Variants in PCDH11X observed in about 807,000 individuals in gnomAD.
PCDH11X encodes protocadherin-11 X-linked.
In PCDH11X, 18 loss-of-function variants were observed where a neutral mutation model predicts 53.3. The observed-to-expected ratio is 0.34, with a 90% CI of 0.23 to 0.50. The LOEUF is 0.50. Among genes scored for constraint, PCDH11X ranks in the 20% least tolerant of loss-of-function variants. PCDH11X has a pLI of 0.98. For missense variants in PCDH11X, 570 were observed against 1,032.4 expected (o/e 0.55, Z 6.14); for synonymous variants, 279 against 393.3 (o/e 0.71, Z 3.44).
rs755211033 is a variant in PCDH11X at position 92,423,341 on chromosome X, G to GT, written c.3343+35415dup. The stretch of plus-strand genomic sequence containing the variant: ...GATAGGATTGTTTTTGTTTTGTTTT[G>GT]TTTTTTTCTGTTAATTCGTTTGAGT... On this transcript the variant is annotated intron_variant, in intron 9 of 10. Coordinates refer to ENST00000682573, the MANE Select transcript of PCDH11X (RefSeq NM_032968.5). Among the ~76,000 whole-genome samples the GT allele has an allele frequency of 2.8e-3, 272 of 96,531 alleles. 9 individuals carry two copies. Among genetic ancestry groups the GT allele is most frequent in the African/African-American group, 8.7e-3 (259 of 29,805 alleles). 83.8% of individuals were successfully genotyped at this position (96,531 alleles called of 115,157 possible).
chrX:92,152,751 TTATGTATGTATG>T (rs559164762), intron 6 of PCDH11X, among the ~76,000 whole-genome samples: 7,810 of 98,994 alleles, frequency 0.079, 755 homozygotes, highest in African/African-American at 0.26. Flanking sequence ...TATTTTTATT[TTATGTATGTATG>T]TATGTATGTA....
chrX:91,987,413 A>C (rs1180502624), intron 6 of PCDH11X, among the ~76,000 whole-genome samples: 2 of 111,800 alleles, frequency 1.8e-5, no homozygotes, highest in Admixed American at 9.5e-5. Context: ...AAATAACATT[A>C]AATTGGGTTA....
intron 6 of PCDH11X, among the ~76,000 whole-genome samples, chrX:91,997,909 G>T (rs2062446485): frequency 9.3e-6 from 1 of 108,080 alleles, no homozygotes; most frequent in South Asian, 4.1e-4. Context: ...TAATTAATCT[G>T]TTAAGATTTC....
intron 6 of PCDH11X, among the ~76,000 whole-genome samples, chrX:92,098,373 T>A (rs1017320257): frequency 1.8e-5 from 2 of 111,706 alleles, no homozygotes; most frequent in African/African-American, 6.5e-5. Flanking sequence ...TGAACATGAT[T>A]GTGATACCAT....
intron 6 of PCDH11X, among the ~76,000 whole-genome samples, chrX:91,999,212 GC>G (rs2062469209): frequency 9.0e-6 from 1 of 111,494 alleles, no homozygotes; most frequent in African/African-American, 3.3e-5. Context: ...ACCATCCCCA[GC>G]CTTAATAGTA....
intron 1 of PCDH11X, among the ~76,000 whole-genome samples, chrX:91,806,687 T>G: frequency 8.9e-6 from 1 of 112,500 alleles, no homozygotes; most frequent in Non-Finnish European, 1.9e-5. Context: ...CAAACTGGAA[T>G]GTGGTACTTG....
Position 91,932,852 on chromosome X carries a change from G to A in PCDH11X, c.3033+53579G>A, listed in dbSNP as rs147220496. On this transcript the variant is annotated intron_variant, in intron 6 of 10. Coordinates refer to ENST00000682573, the MANE Select transcript of PCDH11X (RefSeq NM_032968.5). ...CATCCTATGTTAAATTCATGAATAC[G>A]TTACAAGTAGCATTTCGAATAAGAA... is the stretch of plus-strand genomic sequence containing the variant. 6.7e-3 allele frequency among the ~76,000 whole-genome samples: 747 copies of A among 111,379 alleles called. 4 individuals are homozygous for A. The highest frequency in any genetic ancestry group is 0.022 in the African/African-American group (687 of 30,707).
chrX:91,857,771 C>A (rs778429950), intron 5 of PCDH11X, among the ~76,000 whole-genome samples: 1 of 112,200 alleles, frequency 8.9e-6, no homozygotes, highest in Admixed American at 9.4e-5. Flanking sequence ...GGCAGCTCCA[C>A]CCCTGTGGCT....
intron 6 of PCDH11X, among the ~76,000 whole-genome samples, chrX:91,884,448 C>G (rs1940106174): frequency 9.0e-6 from 1 of 110,761 alleles, no homozygotes; most frequent in African/African-American, 3.3e-5. Context: ...AACTTTGAAA[C>G]TACCTAAGAA....
intron 10 of PCDH11X, among the ~76,000 whole-genome samples, chrX:92,526,641 T>C (rs1356901934): frequency 1.8e-5 from 2 of 109,495 alleles, no homozygotes; most frequent in African/African-American, 6.7e-5. Flanking sequence ...CATATGCTAG[T>C]GCAGATGTGG....
chrX:92,577,502 G>C lies in PCDH11X; in HGVS notation c.3368-40762G>C, dbSNP rs754939651. On this transcript the variant is annotated intron_variant, in intron 10 of 10. Coordinates refer to ENST00000682573, the MANE Select transcript of PCDH11X (RefSeq NM_032968.5). ...ATTTTTTTCAAAAAACCAGCTCCAA[G>C]ATTAGTTGAGTTTTTGAAGAGATTT... Among the ~76,000 whole-genome samples the C allele has an allele frequency of 9.2e-4, 101 of 109,884 alleles. 1 individual carries two copies. Among genetic ancestry groups the C allele is most frequent in the Admixed American group, 2.4e-3 (25 of 10,301 alleles).
At chrX:92,216,343 A>G (rs2066711561) in intron 7 of PCDH11X, among the ~76,000 whole-genome samples, 1 of 107,805 alleles carries the variant, frequency 9.3e-6, no homozygotes, top group Admixed American at 1.0e-4. Flanking sequence ...TAACCAATAC[A>G]GAGAAGTGCT....
At chrX:91,984,677 A>C (rs2062200341) in intron 6 of PCDH11X, among the ~76,000 whole-genome samples, 1 of 111,384 alleles carries the variant, frequency 9.0e-6, no homozygotes, top group Non-Finnish European at 1.9e-5. Context: ...GAGTAGTATA[A>C]ATTCAGACCA....
chrX:91,856,576 A>G (rs1334696401), intron 5 of PCDH11X, among the ~76,000 whole-genome samples: 2 of 110,133 alleles, frequency 1.8e-5, no homozygotes, highest in African/African-American at 3.3e-5. Flanking sequence ...GGTATTAAAC[A>G]CAGCATGCAT....
intron 9 of PCDH11X, among the ~76,000 whole-genome samples, chrX:92,446,372 C>T (rs2072645730): frequency 9.0e-6 from 1 of 110,897 alleles, no homozygotes; most frequent in African/African-American, 3.3e-5. Flanking sequence ...ACCCAAATCT[C>T]ATCTTGAATT....
chrX:92,135,484 A>T (rs2065067463), intron 6 of PCDH11X, among the ~76,000 whole-genome samples: 1 of 110,746 alleles, frequency 9.0e-6, no homozygotes, highest in South Asian at 3.8e-4. Context: ...GGTAGGCATG[A>T]TTTCTTTTTT....
At chrX:92,323,770 A>G (rs1351717467) in intron 8 of PCDH11X, among the ~76,000 whole-genome samples, 1 of 110,591 alleles carries the variant, frequency 9.0e-6, no homozygotes, top group East Asian at 2.9e-4. Flanking sequence ...TACATTTGCA[A>G]TCATCAGACT....
In PCDH11X at chrX:92,216,191, C is replaced by A. The variant is rs913022796; in HGVS notation, c.3114+14736C>A. Reference sequence around the variant, plus strand: ...ACGCAGTTCCTCACCAGCAACGGAACAAAGCTGGACAGAGAATGACTTTGA... The same window carrying A: ...ACGCAGTTCCTCACCAGCAACGGAAAAAAGCTGGACAGAGAATGACTTTGA... On this transcript the variant is annotated intron_variant, in intron 7 of 10. Transcript: ENST00000682573. 3.4e-4 allele frequency among the ~76,000 whole-genome samples: 38 copies of A among 110,842 alleles called. 1 individual carries two copies. The highest frequency in any genetic ancestry group is 2.0e-3 in the Admixed American group (21 of 10,379).
At chrX:92,167,085 G>A (rs1419447152) in intron 6 of PCDH11X, among the ~76,000 whole-genome samples, 1 of 108,551 alleles carries the variant, frequency 9.2e-6, no homozygotes, top group Non-Finnish European at 1.9e-5. Context: ...TTGCTAAAAT[G>A]TACTATCCTC....
Sources: gnomAD v4.1 joint callset for allele counts (sites outside exome capture counted in the v4.1 genomes callset) on GRCh38, gnomAD v4.1.1 for gene constraint, MANE v1.5 for transcripts, NCBI Gene and HGNC (gene_info 2026-07-23, HGNC 2026-07-21) for gene names.